Variants in RNF214 observed in about 807,000 individuals in gnomAD.
RNF214 encodes ring finger protein 214.
A neutral mutation model predicts 75.9 loss-of-function variants in RNF214; 25 were observed. That is an observed-to-expected ratio of 0.33 (90% confidence interval 0.24 to 0.46). RNF214 has a LOEUF of 0.46. Among genes scored for constraint, RNF214 ranks in the 20% least tolerant of loss-of-function variants. RNF214 has a pLI of 1.00. For missense variants in RNF214, 725 were observed against 857.5 expected (o/e 0.85, Z 1.93); for synonymous variants, 314 against 308.8 (o/e 1.02, Z -0.18).
intron 2 of RNF214, among the ~76,000 whole-genome samples, chr11:117,237,697 C>T (rs2032947960): frequency 6.6e-6 from 1 of 152,056 alleles, no homozygotes; most frequent in South Asian, 2.1e-4. Context: ...AAAGCAATAC[C>T]TTGAATGGCT....
intron 4 of RNF214, among the ~76,000 whole-genome samples, chr11:117,242,034 A>G (rs765517413): frequency 4.0e-5 from 6 of 151,694 alleles, no homozygotes; most frequent in Non-Finnish European, 7.4e-5. Flanking sequence ...TCTTTTTTTC[A>G]TGTATTATTT....
At position 117,238,940 on chromosome 11, in the gene RNF214, C is replaced by G; in HGVS notation, c.447C>G (p.Cys149Trp). The G allele has an allele frequency of 6.2e-7, 1 of 1,614,162 alleles. No individual in the cohort carries two copies. Among genetic ancestry groups the G allele is most frequent in the Non-Finnish European group, 8.5e-7 (1 of 1,180,030 alleles). Residue 149 changes from cysteine (C) to tryptophan (W), a missense_variant, in exon 3 of 15, where the codon TGC becomes TGG. Physicochemically the swap from Cys to Trp is radical, Grantham distance 215 (BLOSUM62 -2). Transcript: ENST00000300650. ...CTAAGCAGCTTGCCTCCAGGAATTG[C>G]TCTGAAGAGAAATCCCCACAAACCT... ...CHTKQLASRN[C>W]SEEKSPQTSI...
At chr11:117,283,624 G>A (rs1446835608) in intron 14 of RNF214, among the ~76,000 whole-genome samples, 3 of 152,042 alleles carry the variant, frequency 2.0e-5, no homozygotes, top group Non-Finnish European at 2.9e-5. Flanking sequence ...CTCCCAAAGT[G>A]TTGGGAGTAC....
intron 6 of RNF214, among the ~76,000 whole-genome samples, chr11:117,270,385 G>A (rs1565344186): frequency 6.6e-6 from 1 of 150,988 alleles, no homozygotes; most frequent in African/African-American, 2.4e-5. Context: ...TGCCTCCCAA[G>A]TAGCTGGGCC....
At chr11:117,248,800 G>A (rs1465322572) in intron 6 of RNF214, among the ~76,000 whole-genome samples, 4 of 152,228 alleles carry the variant, frequency 2.6e-5, no homozygotes, top group African/African-American at 7.2e-5. Flanking sequence ...TTCACAATCT[G>A]TGTGAGGAAG....
At chr11:117,276,453 T>A (rs974691363) in intron 6 of RNF214, among the ~76,000 whole-genome samples, 21 of 152,182 alleles carry the variant, frequency 1.4e-4, no homozygotes, top group Middle Eastern at 6.8e-3. Flanking sequence ...CTCAAAAAAT[T>A]AAAAAATTTG....
chr11:117,247,773 TC>T (rs2033266067), intron 6 of RNF214, among the ~76,000 whole-genome samples: 1 of 148,758 alleles, frequency 6.7e-6, no homozygotes, highest in African/African-American at 2.5e-5. Context: ...ATCGCTTGAA[TC>T]CAGGAGGCAG....
chr11:117,260,941 A>G (rs988645447), intron 6 of RNF214, among the ~76,000 whole-genome samples: 2 of 149,734 alleles, frequency 1.3e-5, no homozygotes, highest in African/African-American at 4.9e-5. Flanking sequence ...GGCGTGAGCC[A>G]CCTCGCCCGG....
chr11:117,239,215 G>GT (rs1455196183), intron 3 of RNF214, 104 bp downstream of exon 3: 4 of 1,257,516 alleles, frequency 3.2e-6, no homozygotes, highest in East Asian at 4.7e-5. Context: ...GGCTTGTTTT[G>GT]TTTTTTGTTT....
At chr11:117,240,045 G>A (rs1299700796) in intron 4 of RNF214, among the ~76,000 whole-genome samples, 185 bp downstream of exon 4, 2 of 148,586 alleles carry the variant, frequency 1.3e-5, no homozygotes, top group Non-Finnish European at 1.5e-5. Flanking sequence ...AACCAGTTAC[G>A]TTTAAAAAAA....
intron 12 of RNF214, 83 bp downstream of exon 12, chr11:117,282,619 G>A: frequency 6.4e-7 from 1 of 1,568,908 alleles, no homozygotes; most frequent in South Asian, 1.1e-5. Context: ...GGGGTGGGAA[G>A]AAGCATTCCA....
intron 6 of RNF214, among the ~76,000 whole-genome samples, chr11:117,261,990 G>A (rs1162567583): frequency 6.6e-6 from 1 of 150,460 alleles, no homozygotes; most frequent in Non-Finnish European, 1.5e-5. Flanking sequence ...TTCCATTTGT[G>A]AGATAAACCC....
At chr11:117,272,228 A>G (rs2033926923) in intron 6 of RNF214, among the ~76,000 whole-genome samples, 1 of 152,168 alleles carries the variant, frequency 6.6e-6, no homozygotes, top group African/African-American at 2.4e-5. Flanking sequence ...CCCTGTCTCT[A>G]AAAACAACCA....
chr11:117,279,395 A>T (rs994475450), intron 6 of RNF214, among the ~76,000 whole-genome samples: 5 of 144,870 alleles, frequency 3.5e-5, no homozygotes, highest in African/African-American at 1.3e-4. Context: ...GCAGTGGTGC[A>T]ATCTCGGCTC....
chr11:117,252,742 G>C (rs192020849), intron 6 of RNF214, among the ~76,000 whole-genome samples: 3 of 147,804 alleles, frequency 2.0e-5, no homozygotes, highest in Non-Finnish European at 2.9e-5. Context: ...GGATGGTCTC[G>C]CTCTCCTGAC....
chr11:117,234,919 G>A (rs1247426495), intron 2 of RNF214, among the ~76,000 whole-genome samples: 1 of 152,146 alleles, frequency 6.6e-6, no homozygotes, highest in African/African-American at 2.4e-5. Context: ...ATAAAATGGT[G>A]TAGTATTTTA....
chr11:117,278,203 C>T (rs1443296962), intron 6 of RNF214, among the ~76,000 whole-genome samples: 4 of 152,056 alleles, frequency 2.6e-5, no homozygotes, highest in Non-Finnish European at 5.9e-5. Context: ...ACTCGGGAGG[C>T]TGAGGCAGGA....
intron 6 of RNF214, among the ~76,000 whole-genome samples, chr11:117,261,715 G>A (rs935722332): frequency 6.6e-6 from 1 of 151,974 alleles, no homozygotes; most frequent in African/African-American, 2.4e-5. Context: ...GCATAGTCTC[G>A]GCTCACTGCA....
rs541116986 is a variant in RNF214, at chr11:117,237,636, G to C, written c.108-965G>C. On this transcript the variant is annotated intron_variant, in intron 2 of 14. Transcript: ENST00000300650. The stretch of plus-strand genomic sequence containing the variant: ...AAAAGCAGTACCTCACTTCAGCCTG[G>C]GTGACAAAGTGAAACCCTGTCTCAA... Among the ~76,000 whole-genome samples, 525 of 152,068 alleles carry C rather than the reference G, an allele frequency of 3.5e-3. 1 individual carries two copies. The highest frequency in any genetic ancestry group is 6.2e-3 in the Admixed American group (95 of 15,268).
Sources: gnomAD v4.1 joint callset for allele counts (sites outside exome capture counted in the v4.1 genomes callset) on GRCh38, gnomAD v4.1.1 for gene constraint, MANE v1.5 for transcripts, NCBI Gene and HGNC (gene_info 2026-07-23, HGNC 2026-07-21) for gene names.